STPG2: variants seen among roughly 807,000 people sequenced by gnomAD.
The protein encoded by STPG2 is sperm tail PG-rich repeat containing 2.
STPG2 carries 56 observed loss-of-function variants against 54.2 expected under a neutral mutation model. The observed-to-expected ratio is 1.03, with a 90% CI of 0.83 to 1.29. STPG2 has a LOEUF of 1.29. Among genes scored for constraint, STPG2 ranks in the 50% most tolerant of loss-of-function variants. The pLI is 0.00. For synonymous variants in STPG2, 200 were observed against 181.8 expected, an observed-to-expected ratio of 1.10 and a Z score of -0.81; for missense variants, 596 against 544.9, an observed-to-expected ratio of 1.09 and a Z score of -0.93.
intron 8 of STPG2, among the ~76,000 whole-genome samples, chr4:97,888,716 G>A (rs1217765855): frequency 2.0e-5 from 3 of 152,094 alleles, no homozygotes; most frequent in Admixed American, 2.0e-4. Context: ...ATTGTACATT[G>A]CAATGTGAGA....
At chr4:97,565,385 T>C (rs950361538) in intron 10 of STPG2, among the ~76,000 whole-genome samples, 94 of 152,316 alleles carry the variant, frequency 6.2e-4, no homozygotes, top group African/African-American at 2.2e-3. Flanking sequence ...TTGAATTTCC[T>C]CCTGTAGCTC....
At chr4:97,478,299 G>A (rs1375782740) in intron 4 of STPG2, among the ~76,000 whole-genome samples, 4 of 152,068 alleles carry the variant, frequency 2.6e-5, no homozygotes, top group African/African-American at 4.8e-5. Flanking sequence ...AATATAAAAC[G>A]AACTAATAGA....
At chr4:97,864,697 C>T (rs1484368051) in intron 8 of STPG2, among the ~76,000 whole-genome samples, 1 of 152,136 alleles carries the variant, frequency 6.6e-6, no homozygotes, top group African/African-American at 2.4e-5. Flanking sequence ...AACTATACTA[C>T]AAGGCTGCAG....
chr4:97,507,532 A>T (rs980631305), intron 4 of STPG2, among the ~76,000 whole-genome samples: 1 of 152,048 alleles, frequency 6.6e-6, no homozygotes, highest in African/African-American at 2.4e-5. Context: ...GTTGGTGCAA[A>T]TCCCACAGGT....
At chr4:97,824,467 G>A (rs756129585) in intron 9 of STPG2, among the ~76,000 whole-genome samples, 2 of 152,170 alleles carry the variant, frequency 1.3e-5, no homozygotes, top group African/African-American at 2.4e-5. Flanking sequence ...TAGCAAATCT[G>A]TTGTATTTTG....
chr4:97,848,986 C>G (rs1393504987), intron 8 of STPG2, among the ~76,000 whole-genome samples: 3 of 149,138 alleles, frequency 2.0e-5, no homozygotes, highest in Non-Finnish European at 4.4e-5. Flanking sequence ...GATGTGGGCT[C>G]TTTTTTGGTT....
At chr4:97,908,952 A>G (rs1389078028) in intron 8 of STPG2, among the ~76,000 whole-genome samples, 1 of 151,106 alleles carries the variant, frequency 6.6e-6, no homozygotes, top group Non-Finnish European at 1.5e-5. Context: ...CCAGCATGGC[A>G]CATGTATACA....
intron 10 of STPG2, among the ~76,000 whole-genome samples, chr4:97,643,631 G>A (rs1352873392): frequency 6.6e-6 from 1 of 151,710 alleles, no homozygotes; most frequent in Non-Finnish European, 1.5e-5. Context: ...TATATATCCA[G>A]ACATACTTAT....
chr4:98,069,138 G>A (rs1737924922), intron 5 of STPG2, among the ~76,000 whole-genome samples: 1 of 151,872 alleles, frequency 6.6e-6, no homozygotes, highest in African/African-American at 2.4e-5. Context: ...TAGTATAATG[G>A]ATCATCTATA....
At chr4:97,616,075 T>TAA (rs1560686926) in intron 10 of STPG2, among the ~76,000 whole-genome samples, 1 of 79,782 alleles carries the variant, frequency 1.3e-5, no homozygotes, top group Admixed American at 1.6e-4. Flanking sequence ...TATATATATA[T>TAA]ATATATATAT....
At chr4:97,518,144 G>T (rs1270784286) in intron 4 of STPG2, among the ~76,000 whole-genome samples, 1 of 152,102 alleles carries the variant, frequency 6.6e-6, no homozygotes, top group Admixed American at 6.6e-5. Context: ...CTAATGGTAT[G>T]TGCAGGCTGA....
intron 7 of STPG2, among the ~76,000 whole-genome samples, chr4:97,945,949 T>C (rs1442141736): frequency 6.6e-6 from 1 of 151,952 alleles, no homozygotes; most frequent in Non-Finnish European, 1.5e-5. Flanking sequence ...GTCCCTGCTA[T>C]TGGAGAGGCT....
At chr4:97,878,778 C>T (rs552621691) in intron 8 of STPG2, among the ~76,000 whole-genome samples, 1 of 152,280 alleles carries the variant, frequency 6.6e-6, no homozygotes, top group South Asian at 2.1e-4. Context: ...ACATTTGGCT[C>T]CTTATTACTT....
intron 8 of STPG2, among the ~76,000 whole-genome samples, chr4:97,842,695 G>C (rs1048547388): frequency 3.9e-4 from 59 of 151,960 alleles, no homozygotes; most frequent in African/African-American, 1.4e-3. Flanking sequence ...AGTGATCAGT[G>C]TTCTTCAACA....
At chr4:97,694,527 G>A (rs1357367182) in intron 10 of STPG2, among the ~76,000 whole-genome samples, 1 of 151,938 alleles carries the variant, frequency 6.6e-6, no homozygotes, top group Non-Finnish European at 1.5e-5. Flanking sequence ...GTTACCAACA[G>A]GCCAGGTGCA....
chr4:98,091,032 T>G (rs1000805652), intron 5 of STPG2, among the ~76,000 whole-genome samples: 1 of 151,560 alleles, frequency 6.6e-6, no homozygotes, highest in African/African-American at 2.4e-5. Flanking sequence ...TGTCCAAATC[T>G]CCATATCATC....
intron 9 of STPG2, among the ~76,000 whole-genome samples, chr4:97,724,934 A>G (rs1379927129): frequency 6.6e-6 from 1 of 152,148 alleles, no homozygotes; most frequent in African/African-American, 2.4e-5. Flanking sequence ...TTCTTGAAAG[A>G]GTACAGTACA....
intron 9 of STPG2, among the ~76,000 whole-genome samples, chr4:97,773,176 A>G (rs1490439745): frequency 6.6e-6 from 1 of 151,752 alleles, no homozygotes; most frequent in African/African-American, 2.4e-5. Flanking sequence ...ATTCTTTCCT[A>G]TTTTCTTTTT....
intron 4 of STPG2, among the ~76,000 whole-genome samples, chr4:97,535,792 T>C (rs1382916938): frequency 6.6e-6 from 1 of 152,088 alleles, no homozygotes; most frequent in African/African-American, 2.4e-5. Context: ...AATTAGAAAT[T>C]TTCAGTTTAT....
Sources: gnomAD v4.1 joint callset for allele counts (sites outside exome capture counted in the v4.1 genomes callset) on GRCh38, gnomAD v4.1.1 for gene constraint, MANE v1.5 for transcripts, NCBI Gene and HGNC (gene_info 2026-07-23, HGNC 2026-07-21) for gene names.